RTF2: variants seen among roughly 807,000 people sequenced by gnomAD.
RTF2 encodes the protein replication termination factor 2.
In RTF2, 18 loss-of-function variants were observed where a neutral mutation model predicts 38.0. That is an observed-to-expected ratio of 0.47 (90% CI 0.33 to 0.70). The LOEUF is 0.70. RTF2 is among the 30% of genes least tolerant of loss of function. The pLI is 0.02. For missense variants in RTF2, 311 were observed against 379.6 expected, an observed-to-expected ratio of 0.82 and a Z score of 1.50; for synonymous variants, 126 against 137.1, an observed-to-expected ratio of 0.92 and a Z score of 0.57.
At chr20:56,504,553 C>T (rs535761249) in intron 5 of RTF2, among the ~76,000 whole-genome samples, 2 of 152,332 alleles carry the variant, frequency 1.3e-5, no homozygotes, top group Admixed American at 1.3e-4. Flanking sequence ...GCTGAGCCTT[C>T]TCTGTGCTCT....
chr20:56,519,178 G>T lies in RTF2; in HGVS notation c.*913G>T, dbSNP rs1398416875. On this transcript the variant is annotated 3_prime_UTR_variant, in exon 9 of 9. Transcript: ENST00000357348. ...CGGTGGTATGACTGAGATAGTGACT[G>T]GTTCTCTATACAGACCCCGGGGCCC... The T allele has an allele frequency of 1.3e-5, 2 of 152,220 alleles. No homozygotes were observed. The highest frequency in any genetic ancestry group is 2.9e-5 in the Non-Finnish European group (2 of 68,056). The allele number at this position is 152,220 out of a possible 1,614,324, so 9.4% of individuals were successfully genotyped here.
intron 2 of RTF2, among the ~76,000 whole-genome samples, 159 bp downstream of exon 2, chr20:56,473,554 C>T (rs1982080071): frequency 1.3e-5 from 2 of 152,192 alleles, no homozygotes; most frequent in Admixed American, 6.5e-5. Flanking sequence ...CTGTACTCTT[C>T]TAGTCAGTTT....
At chr20:56,508,389 A>G (rs1032105625) in intron 5 of RTF2, among the ~76,000 whole-genome samples, 5 of 152,226 alleles carry the variant, frequency 3.3e-5, no homozygotes, top group African/African-American at 1.2e-4. Context: ...CTCTGGGCAC[A>G]GTAGGTCTGT....
intron 5 of RTF2, among the ~76,000 whole-genome samples, chr20:56,485,648 C>T (rs1290165177): frequency 6.6e-6 from 1 of 152,100 alleles, no homozygotes; most frequent in East Asian, 1.9e-4. Flanking sequence ...ATAAAGCCTT[C>T]ATAGAATGAG....
chr20:56,485,605 C>A (rs1163561864), intron 5 of RTF2, among the ~76,000 whole-genome samples: 1 of 151,986 alleles, frequency 6.6e-6, no homozygotes, highest in Admixed American at 6.6e-5. Flanking sequence ...TCAGTGGGGG[C>A]GGTGAGTTAT....
At chr20:56,488,623 T>G (rs114317608) in intron 5 of RTF2, among the ~76,000 whole-genome samples, 1 of 152,230 alleles carries the variant, frequency 6.6e-6, no homozygotes, top group African/African-American at 2.4e-5. Flanking sequence ...TTTTCAGGCT[T>G]TGGCCTTCTT....
intron 5 of RTF2, among the ~76,000 whole-genome samples, chr20:56,503,021 G>T (rs1385709496): frequency 6.6e-6 from 1 of 152,190 alleles, no homozygotes; most frequent in East Asian, 1.9e-4. Flanking sequence ...GTTTCACACT[G>T]AGCCTGGCCC....
At chr20:56,474,640 C>T (rs376078532) in intron 2 of RTF2, 38 bp from the exon 3 acceptor site, 40 of 1,319,910 alleles carry the variant, frequency 3.0e-5, no homozygotes, top group African/African-American at 2.2e-4. Context: ...ATTTGAAAGT[C>T]GCTTGTTGAC....
intron 5 of RTF2, among the ~76,000 whole-genome samples, chr20:56,486,376 C>T (rs562263464): frequency 6.6e-5 from 10 of 152,246 alleles, no homozygotes; most frequent in Non-Finnish European, 2.9e-5. Context: ...AGGTTGGGCA[C>T]AGTGGCTCAT....
At chr20:56,472,586 A>AG (rs2146313457) in intron 1 of RTF2, among the ~76,000 whole-genome samples, 1 of 151,664 alleles carries the variant, frequency 6.6e-6, no homozygotes, top group South Asian at 2.1e-4. Context: ...TAAAAAAAAA[A>AG]TGCTTGTCTT....
rs1464645143 is a variant in RTF2 at position 56,484,135 on chromosome 20, C to T, written c.423C>T (p.Gly141=). The T allele has an allele frequency of 2.5e-6, 4 of 1,614,170 alleles. No individual in the cohort carries two copies. The highest frequency in any genetic ancestry group is 3.4e-6 in the Non-Finnish European group (4 of 1,180,022). Residue 141 remains glycine (G), a synonymous_variant, in exon 5 of 9, where the codon GGC becomes GGT. Transcript: ENST00000357348. ...RHRFCFLRCC[G]CVFSERALKE... is the part of the protein sequence containing the mutation. ...GGTTCTGCTTCCTTCGGTGCTGCGGCTGTGTGTTTTCTGAGCGAGCCTTGA... is the reference window on the plus strand; with the variant it reads ...GGTTCTGCTTCCTTCGGTGCTGCGGTTGTGTGTTTTCTGAGCGAGCCTTGA...
intron 8 of RTF2, 122 bp downstream of exon 8, chr20:56,517,323 G>T: frequency 1.4e-6 from 1 of 738,732 alleles, no homozygotes. Context: ...CATGTCTCTA[G>T]AGAGTGCACT....
intron 4 of RTF2, among the ~76,000 whole-genome samples, chr20:56,478,259 CAGG>C (rs1362065907): frequency 6.6e-6 from 1 of 152,180 alleles, no homozygotes; most frequent in African/African-American, 2.4e-5. Flanking sequence ...GAGGCCGAGA[CAGG>C]AGGATTGCTA....
chr20:56,496,508 A>ACTGC, intron 5 of RTF2: 1 of 1,000,310 alleles, frequency 1.0e-6, no homozygotes, highest in East Asian at 2.8e-5. Flanking sequence ...AGATCGCGCC[A>ACTGC]CTGCACTCCA....
intron 6 of RTF2, chr20:56,516,700 C>A: frequency 1.8e-6 from 1 of 550,840 alleles, no homozygotes; most frequent in Non-Finnish European, 3.2e-6. Flanking sequence ...TAAAAGTGAG[C>A]AGCTCTGTGC....
intron 4 of RTF2, among the ~76,000 whole-genome samples, chr20:56,483,324 T>C (rs1458308148): frequency 6.6e-6 from 1 of 150,736 alleles, no homozygotes; most frequent in Non-Finnish European, 1.5e-5. Flanking sequence ...CAGTTTCCAA[T>C]TGGATACTTT....
intron 8 of RTF2, 89 bp downstream of exon 8, chr20:56,517,290 G>A (rs1270746338): frequency 3.1e-6 from 3 of 983,396 alleles, no homozygotes; most frequent in Non-Finnish European, 3.2e-6. Flanking sequence ...TGGGTGGATG[G>A]GAAGCCCAAG....
At chr20:56,476,021 A>G (rs1008551148) in intron 3 of RTF2, among the ~76,000 whole-genome samples, 2 of 152,218 alleles carry the variant, frequency 1.3e-5, no homozygotes, top group Non-Finnish European at 2.9e-5. Flanking sequence ...CTTTCAAGAC[A>G]CTCACCTGCT....
rs118102739 is a variant in RTF2, at chr20:56,503,513, C to T, written c.478-9802C>T. Among the ~76,000 whole-genome samples, 26 of 152,222 alleles carry T rather than the reference C, an allele frequency of 1.7e-4. No individual in the cohort carries two copies. The East Asian group carries it at 4.4e-3, about 26-fold the overall frequency. On this transcript the variant is annotated intron_variant, in intron 5 of 8. Coordinates refer to ENST00000357348, the MANE Select transcript of RTF2 (RefSeq NM_016407.5). ...ATTTAAAAATCTAGTTGATGCCATACTGGGAAAATATTCTACTTTTATTTT... is the reference window on the plus strand; with the variant it reads ...ATTTAAAAATCTAGTTGATGCCATATTGGGAAAATATTCTACTTTTATTTT...
Sources: allele counts gnomAD v4.1 joint callset (sites outside exome capture counted in the v4.1 genomes callset), GRCh38; gene constraint gnomAD v4.1.1; transcripts MANE v1.5; gene names NCBI Gene and HGNC (gene_info 2026-07-23, HGNC 2026-07-21).